The following ATP8A2 variants were observed in gnomAD, a reference collection of about 807,000 sequenced individuals.
The protein encoded by ATP8A2 is ATPase phospholipid transporting 8A2.
A neutral mutation model predicts 165.6 loss-of-function variants in ATP8A2; 100 were observed. The ratio of observed to expected loss-of-function variants is 0.60; its 90% confidence interval spans 0.51 to 0.71. ATP8A2 has a LOEUF of 0.71. ATP8A2 is among the 30% of genes least tolerant of loss of function. ATP8A2 has a pLI of 0.00. For synonymous variants in ATP8A2, 543 were observed against 548.8 expected, an observed-to-expected ratio of 0.99 and a Z score of 0.15; for missense variants, 1,227 against 1,479.5, an observed-to-expected ratio of 0.83 and a Z score of 2.80.
chr13:25,667,640 T>C (rs2137729390), intron 24 of ATP8A2, among the ~76,000 whole-genome samples: 1 of 4,064 alleles, frequency 2.5e-4, no homozygotes, highest in African/African-American at 3.1e-4. Flanking sequence ...TAGATAAGCC[T>C]CTTTTTTTTT....
chr13:25,531,400 A>ATATATATGAT (rs1566230298), intron 4 of ATP8A2, among the ~76,000 whole-genome samples: 16 of 50,534 alleles, frequency 3.2e-4, no homozygotes, highest in African/African-American at 1.9e-3. Flanking sequence ...ATATATGATT[A>ATATATATGAT]TATATATGAT....
intron 35 of ATP8A2, among the ~76,000 whole-genome samples, chr13:25,974,499 GAA>G (rs1955983174): frequency 6.6e-6 from 1 of 152,060 alleles, no homozygotes; most frequent in South Asian, 2.1e-4. Flanking sequence ...AGTGAGTTCT[GAA>G]TCTTGGTGGT....
chr13:25,375,648 C>A (rs967647707), intron 1 of ATP8A2, among the ~76,000 whole-genome samples: 2 of 151,036 alleles, frequency 1.3e-5, no homozygotes, highest in Non-Finnish European at 3.0e-5. Context: ...TCTCGGCTCA[C>A]TGCAACCTCC....
intron 35 of ATP8A2, among the ~76,000 whole-genome samples, chr13:25,997,128 C>T (rs1024485839): frequency 1.3e-5 from 2 of 152,222 alleles, no homozygotes; most frequent in Non-Finnish European, 2.9e-5. Context: ...CCTTATAGGA[C>T]TTTCTTTAGC....
intron 33 of ATP8A2, among the ~76,000 whole-genome samples, chr13:25,924,883 T>C (rs1954556156): frequency 1.3e-5 from 2 of 152,168 alleles, no homozygotes; most frequent in Admixed American, 6.5e-5. Context: ...GCACACACTC[T>C]CTTGACTGCT....
intron 27 of ATP8A2, among the ~76,000 whole-genome samples, chr13:25,820,418 T>C (rs1182311864): frequency 7.2e-5 from 11 of 152,222 alleles, no homozygotes; most frequent in Non-Finnish European, 5.9e-5. Context: ...GCTTTGACTG[T>C]ATTCATTTAA....
intron 33 of ATP8A2, among the ~76,000 whole-genome samples, chr13:25,940,261 C>T (rs1955035759): frequency 6.6e-6 from 1 of 152,158 alleles, no homozygotes; most frequent in Non-Finnish European, 1.5e-5. Context: ...TCCTCGCCAC[C>T]CTGGAAGCCT....
intron 1 of ATP8A2, among the ~76,000 whole-genome samples, chr13:25,402,300 A>G (rs1327265667): frequency 6.6e-6 from 1 of 152,170 alleles, no homozygotes; most frequent in Non-Finnish European, 1.5e-5. Context: ...GTTGACTGCA[A>G]GGAACTGAAA....
At chr13:25,837,433 A>G in intron 29 of ATP8A2, 148 bp downstream of exon 29, 1 of 342,644 alleles carries the variant, frequency 2.9e-6, no homozygotes, top group Non-Finnish European at 5.1e-6. Context: ...CCACACACAC[A>G]CACACACACA....
At chr13:25,626,110 T>G (rs1056666436) in intron 24 of ATP8A2, among the ~76,000 whole-genome samples, 1 of 152,206 alleles carries the variant, frequency 6.6e-6, no homozygotes, top group Non-Finnish European at 1.5e-5. Context: ...TTCAGCAAAT[T>G]TATTGTGCAA....
intron 33 of ATP8A2, among the ~76,000 whole-genome samples, chr13:25,939,629 G>A (rs932398006): frequency 4.6e-5 from 7 of 151,606 alleles, no homozygotes; most frequent in African/African-American, 1.7e-4. Context: ...GACTTCCCTG[G>A]CTCCTGGGAG....
intron 15 of ATP8A2, among the ~76,000 whole-genome samples, chr13:25,560,007 T>G (rs1398710366): frequency 6.6e-6 from 1 of 152,092 alleles, no homozygotes; most frequent in Non-Finnish European, 1.5e-5. Flanking sequence ...TTGTAATTTT[T>G]TGTAGAGATG....
chr13:25,534,812 C>T lies in ATP8A2; in HGVS notation c.507+1499C>T, dbSNP rs144172781. ...AAACTTCAGTGGGCATCCCAGTCAC[C>T]GTCCACAGAGCTGCTGGAACCCAGA... On this transcript the variant is annotated intron_variant, in intron 6 of 36. Transcript: ENST00000381655. Among the ~76,000 whole-genome samples, 55 of 152,310 alleles carry T rather than the reference C, an allele frequency of 3.6e-4. 1 individual carries two copies. Among genetic ancestry groups the T allele is most frequent in the East Asian group, 3.1e-3 (16 of 5,182 alleles).
chr13:25,636,743 A>G (rs1415001840), intron 24 of ATP8A2, among the ~76,000 whole-genome samples: 1 of 151,988 alleles, frequency 6.6e-6, no homozygotes, highest in African/African-American at 2.4e-5. Context: ...GTTTCTCCCC[A>G]TATGTGCATG....
intron 30 of ATP8A2, among the ~76,000 whole-genome samples, chr13:25,854,664 A>C (rs1593454017): frequency 6.6e-6 from 1 of 152,184 alleles, no homozygotes; most frequent in African/African-American, 2.4e-5. Flanking sequence ...GCTTCTGTCC[A>C]AGCCACTCTG....
At chr13:25,701,608 A>G (rs1386632042) in intron 25 of ATP8A2, among the ~76,000 whole-genome samples, 2 of 152,124 alleles carry the variant, frequency 1.3e-5, no homozygotes, top group Admixed American at 6.6e-5. Flanking sequence ...CTAAAACCTT[A>G]TAAGTTTTTA....
intron 25 of ATP8A2, among the ~76,000 whole-genome samples, chr13:25,711,759 T>C (rs2043163921): frequency 6.6e-6 from 1 of 152,200 alleles, no homozygotes; most frequent in African/African-American, 2.4e-5. Context: ...TGGAATGGAC[T>C]ATGATCCAGA....
At chr13:25,478,797 TTC>T (rs2036069959) in intron 2 of ATP8A2, among the ~76,000 whole-genome samples, 1 of 152,140 alleles carries the variant, frequency 6.6e-6, no homozygotes, top group African/African-American at 2.4e-5. Context: ...CTCATGTAAG[TTC>T]TCTGTCTATA....
intron 24 of ATP8A2, among the ~76,000 whole-genome samples, chr13:25,591,863 T>C (rs2138308875): frequency 6.6e-6 from 1 of 152,328 alleles, no homozygotes; most frequent in South Asian, 2.1e-4. Flanking sequence ...AAATATCTTT[T>C]TGAGATCCTG....
Sources: gnomAD v4.1 joint callset for allele counts (sites outside exome capture counted in the v4.1 genomes callset) on GRCh38, gnomAD v4.1.1 for gene constraint, MANE v1.5 for transcripts, NCBI Gene and HGNC (gene_info 2026-07-23, HGNC 2026-07-21) for gene names.